SLC20A2: variants seen among roughly 807,000 people sequenced by gnomAD.
The protein encoded by SLC20A2 is sodium-dependent phosphate transporter 2.
Under a neutral mutation model 61.0 loss-of-function variants are expected in SLC20A2, and 30 were observed. The ratio of observed to expected loss-of-function variants is 0.49; its 90% CI spans 0.37 to 0.67. SLC20A2 has a LOEUF of 0.67. Ranked by LOEUF, SLC20A2 falls within the 30% of genes least tolerant of loss-of-function variation. The pLI, the probability that SLC20A2 is intolerant of heterozygous loss-of-function variation, is 0.00. For synonymous variants in SLC20A2, 351 were observed against 353.3 expected, an observed-to-expected ratio of 0.99 and a Z score of 0.07; for missense variants, 626 against 866.4, an observed-to-expected ratio of 0.72 and a Z score of 3.48.
chr8:42,467,828 G>C (rs1165990775), intron 2 of SLC20A2, among the ~76,000 whole-genome samples: 1 of 152,176 alleles, frequency 6.6e-6, no homozygotes, highest in Non-Finnish European at 1.5e-5. Flanking sequence ...TGGGCTCCTC[G>C]GGGACTAGTG....
chr8:42,511,099 G>A lies in SLC20A2; in HGVS notation c.-265+30722C>T, dbSNP rs1563537707. Among the ~76,000 whole-genome samples the A allele has an allele frequency of 2.0e-5, 3 of 152,092 alleles. No individual in the cohort carries two copies. The South Asian group carries it at 6.2e-4, about 32-fold the overall frequency. On this transcript the variant is annotated intron_variant, in intron 1 of 10. Coordinates refer to the SLC20A2 transcript ENST00000342228. ...AGGACCCTCAAAATGACAGTGGAGA[G>A]CCGCCAGCTTCACTGTGAATAATTT... is the stretch of plus-strand genomic sequence containing the variant.
At chr8:42,481,443 A>C (rs993814110) in intron 1 of SLC20A2, among the ~76,000 whole-genome samples, 5 of 152,064 alleles carry the variant, frequency 3.3e-5, no homozygotes, top group African/African-American at 1.2e-4. Flanking sequence ...TGATGATAGG[A>C]GGTCCAACTC....
chr8:42,533,573 T>C (rs1397130448), intron 1 of SLC20A2, among the ~76,000 whole-genome samples: 1 of 151,346 alleles, frequency 6.6e-6, no homozygotes, highest in Non-Finnish European at 1.5e-5. Flanking sequence ...GGTTTATATT[T>C]ACCGAGATTG....
At chr8:42,457,288 C>T (rs1806286632) in intron 5 of SLC20A2, among the ~76,000 whole-genome samples, 1 of 152,104 alleles carries the variant, frequency 6.6e-6, no homozygotes, top group Admixed American at 6.6e-5. Context: ...AACACACTTC[C>T]TGGTCCATGA....
intron 1 of SLC20A2, among the ~76,000 whole-genome samples, chr8:42,491,243 G>A (rs1324803883): frequency 2.6e-5 from 4 of 152,040 alleles, no homozygotes; most frequent in Admixed American, 6.6e-5. Context: ...GGCCGGGTAT[G>A]GTGACTCATG....
chr8:42,497,814 G>A (rs764203182), intron 1 of SLC20A2, among the ~76,000 whole-genome samples: 39 of 151,512 alleles, frequency 2.6e-4, no homozygotes, highest in South Asian at 2.1e-4. Context: ...GGTTGGGCAC[G>A]GGGGGAGGGA....
At chr8:42,476,084 CTTTTTTTTTTTTTTTT>C (rs11350697) in intron 1 of SLC20A2, among the ~76,000 whole-genome samples, 4 of 42,096 alleles carry the variant, frequency 9.5e-5, no homozygotes, top group South Asian at 1.4e-3. Flanking sequence ...TTTACTGTGT[CTTTTTTTTTTTTTTTT>C]TTTTTTTTTT....
chr8:42,434,796 G>C (rs907243590), intron 8 of SLC20A2, among the ~76,000 whole-genome samples: 3 of 152,058 alleles, frequency 2.0e-5, no homozygotes, highest in African/African-American at 7.2e-5. Flanking sequence ...GCAACTCTTC[G>C]CAATTCTACA....
chr8:42,509,215 G>A (rs7820056), intron 1 of SLC20A2, among the ~76,000 whole-genome samples: 1 of 152,192 alleles, frequency 6.6e-6, no homozygotes, highest in South Asian at 2.1e-4. Flanking sequence ...TTATCACCAA[G>A]AACAGTACCT....
Position 42,520,656 on chromosome 8 carries a change from G to A in SLC20A2, c.-265+21165C>T, listed in dbSNP as rs1811588869. On this transcript the variant is annotated intron_variant, in intron 1 of 10. Coordinates refer to the SLC20A2 transcript ENST00000342228. ...CAGGAGAAGGGCGTGAACCCGGGAG[G>A]CGGAGCTTGCAGTGAGCTGAGATCA... is the stretch of plus-strand genomic sequence containing the variant. Among the ~76,000 whole-genome samples, 2 of 116,710 alleles carry A rather than the reference G, an allele frequency of 1.7e-5. 1 individual carries two copies. The highest frequency in any genetic ancestry group is 5.2e-5 in the African/African-American group (2 of 38,488). The allele number at this position is 116,710 out of a possible 152,430, so 76.6% of individuals were successfully genotyped here. A position where few individuals can be genotyped will look rare whatever the true frequency, so the allele number is the denominator to read the frequency against.
At chr8:42,428,864 C>A in intron 9 of SLC20A2, 22 bp from the exon 10 acceptor site, 1 of 1,555,084 alleles carries the variant, frequency 6.4e-7, no homozygotes, top group Non-Finnish European at 8.7e-7. Flanking sequence ...GCATGAGACA[C>A]GTCACAGGTG....
At chr8:42,466,031 A>C in intron 2 of SLC20A2, 114 bp from the exon 3 acceptor site, 1 of 984,708 alleles carries the variant, frequency 1.0e-6, no homozygotes, top group Non-Finnish European at 1.4e-6. Flanking sequence ...ATTTTCTGTG[A>C]ATTGTTTCTT....
At chr8:42,492,309 T>TC (rs1809579462) in intron 1 of SLC20A2, among the ~76,000 whole-genome samples, 1 of 152,224 alleles carries the variant, frequency 6.6e-6, no homozygotes, top group African/African-American at 2.4e-5. Context: ...TGAGCTGAGA[T>TC]CGTGCCATTG....
chr8:42,497,566 C>T (rs1318263808), intron 1 of SLC20A2, among the ~76,000 whole-genome samples: 2 of 152,148 alleles, frequency 1.3e-5, no homozygotes, highest in African/African-American at 2.4e-5. Context: ...GAAATAGATA[C>T]CAGTGGGTCA....
At chr8:42,539,985 T>A (rs998240325) in intron 1 of SLC20A2, among the ~76,000 whole-genome samples, 2 of 152,208 alleles carry the variant, frequency 1.3e-5, no homozygotes, top group African/African-American at 2.4e-5. Context: ...TACAAAGGCA[T>A]AAACAAGCAT....
chr8:42,491,379 C>T (rs1381141077), intron 1 of SLC20A2, among the ~76,000 whole-genome samples: 3 of 152,148 alleles, frequency 2.0e-5, no homozygotes, highest in African/African-American at 4.8e-5. Flanking sequence ...GTGGCACATG[C>T]CTGTAATCCC....
intron 10 of SLC20A2, among the ~76,000 whole-genome samples, chr8:42,426,450 C>CT (rs1275700616): frequency 6.6e-6 from 1 of 152,190 alleles, no homozygotes; most frequent in East Asian, 1.9e-4. Context: ...AATCCCAGCA[C>CT]TTTGGGAGGC....
At chr8:42,428,694 GC>G in intron 10 of SLC20A2, 63 bp downstream of exon 10, 1 of 1,432,190 alleles carries the variant, frequency 7.0e-7, no homozygotes, top group Non-Finnish European at 9.6e-7. Flanking sequence ...CCTTGCATGC[GC>G]TCCGGTGGCC....
chr8:42,494,815 A>G (rs1026027384), intron 1 of SLC20A2, among the ~76,000 whole-genome samples: 2 of 152,086 alleles, frequency 1.3e-5, no homozygotes, highest in African/African-American at 2.4e-5. Context: ...GACAGCTATA[A>G]TGAGACAAAG....
Sources: allele counts gnomAD v4.1 joint callset (sites outside exome capture counted in the v4.1 genomes callset), GRCh38; gene constraint gnomAD v4.1.1; transcripts MANE v1.5; gene names NCBI Gene and HGNC (gene_info 2026-07-23, HGNC 2026-07-21).